Variants in TRIM4 observed in about 807,000 individuals in gnomAD.
TRIM4 encodes the protein E3 ubiquitin-protein ligase TRIM4.
Under a neutral mutation model 33.7 loss-of-function variants are expected in TRIM4, and 29 were observed. The ratio of observed to expected loss-of-function variants is 0.86; its 90% CI spans 0.64 to 1.17. TRIM4 has a LOEUF of 1.17. TRIM4 is among the 50% of genes most tolerant of loss of function. TRIM4 has a pLI of 0.00. For synonymous variants in TRIM4, 224 were observed against 233.0 expected (o/e 0.96, Z 0.35); for missense variants, 554 against 593.7 (o/e 0.93, Z 0.69).
chr7:99,907,873 G>A (rs150674848), intron 3 of TRIM4, among the ~76,000 whole-genome samples: 10 of 152,296 alleles, frequency 6.6e-5, no homozygotes, highest in Admixed American at 2.6e-4. Flanking sequence ...ATGGAGGAAA[G>A]AGAGGTTCTG....
Position 99,919,150 on chromosome 7 carries a change from CG to C in TRIM4, c.251del (p.Pro84ArgfsTer62). 2 of 1,491,206 alleles carry C rather than the reference CG, an allele frequency of 1.3e-6. No homozygotes were observed. The highest frequency in any genetic ancestry group is 8.9e-7 in the Non-Finnish European group (1 of 1,121,384). 92.4% of individuals were successfully genotyped at this position (1,491,206 alleles called of 1,614,324 possible). On this transcript the variant is annotated frameshift_variant, in exon 1 of 6. Coordinates refer to ENST00000349062, the MANE Select transcript of TRIM4 (RefSeq NM_033091.3). LOFTEE classifies it high-confidence loss of function. ...GCTCCCAGTGGCGGCCGCACAGGCC[CG>C]GGGGCACGGGGCCCAGGCGCCGGCG... ...TQRRRLGPVP[P>X]GLCGRHWEPL...
rs774217720 is a variant in TRIM4, at chr7:99,919,090, T to C, written c.312A>G (p.Pro104=). Residue 104 remains proline (P), a synonymous_variant, in exon 1 of 6, where the codon CCA becomes CCG. Coordinates refer to ENST00000349062, the MANE Select transcript of TRIM4 (RefSeq NM_033091.3). ...LRLFCEDDQR[P]VCLVCRESQE... Reference sequence around the variant, plus strand: ...GGGACTCCCTGCACACCAGGCACACTGGCCGCTGGTCGTCCTCGCAGAAGA... The same window carrying C: ...GGGACTCCCTGCACACCAGGCACACCGGCCGCTGGTCGTCCTCGCAGAAGA... 9 of 1,542,126 alleles carry C rather than the reference T, an allele frequency of 5.8e-6. No individual in the cohort carries two copies. Among genetic ancestry groups the C allele is most frequent in the Non-Finnish European group, 7.0e-6 (8 of 1,145,198 alleles).
chr7:99,891,744 TA>T lies in TRIM4; in HGVS notation c.*418del, dbSNP rs1439436233. 6.0e-6 allele frequency: 1 copy of T among 166,212 alleles called. No individual in the cohort carries two copies. The highest frequency in any genetic ancestry group is 1.3e-5 in the Non-Finnish European group (1 of 75,790). 10.3% of individuals were successfully genotyped at this position (166,212 alleles called of 1,614,324 possible). On this transcript the variant is annotated 3_prime_UTR_variant, in exon 6 of 6. Transcript: ENST00000349062. ...TAACCAAATACAACTAAAATTGTCT[TA>T]TACAATAAGGGCGTAATTATCTCAT...
At chr7:99,906,144 C>CA (rs1030054443) in intron 3 of TRIM4, among the ~76,000 whole-genome samples, 362 of 141,038 alleles carry the variant, frequency 2.6e-3, no homozygotes, top group Middle Eastern at 0.014. Flanking sequence ...GACTCCATCT[C>CA]AAAAAAAAAA....
At chr7:99,898,621 A>G (rs1259291757) in intron 5 of TRIM4, among the ~76,000 whole-genome samples, 3 of 152,210 alleles carry the variant, frequency 2.0e-5, no homozygotes, top group African/African-American at 7.2e-5. Flanking sequence ...AGGCACTTCC[A>G]GAAGTGTGCA....
intron 5 of TRIM4, among the ~76,000 whole-genome samples, chr7:99,893,093 A>G (rs1477465915): frequency 6.6e-6 from 1 of 152,106 alleles, no homozygotes; most frequent in Admixed American, 6.5e-5. Flanking sequence ...TACTGAAAAT[A>G]CCAAAAAACA....
intron 5 of TRIM4, among the ~76,000 whole-genome samples, chr7:99,898,445 G>C (rs888896845): frequency 1.3e-5 from 2 of 152,218 alleles, no homozygotes; most frequent in Admixed American, 1.3e-4. Flanking sequence ...TCCACGTAGG[G>C]GCCCATGCCC....
chr7:99,916,848 A>G, intron 1 of TRIM4: 1 of 764,042 alleles, frequency 1.3e-6, no homozygotes, highest in South Asian at 1.4e-5. Flanking sequence ...ACTGCCTGAA[A>G]GAGAAAGTTC....
chr7:99,911,430 T>A (rs1309012153), intron 1 of TRIM4, among the ~76,000 whole-genome samples: 1 of 151,848 alleles, frequency 6.6e-6, no homozygotes, highest in Non-Finnish European at 1.5e-5. Flanking sequence ...TTTCTGTAAG[T>A]CTCACTATAT....
At chr7:99,899,906 G>A (rs559496141) in intron 5 of TRIM4, among the ~76,000 whole-genome samples, 3 of 152,076 alleles carry the variant, frequency 2.0e-5, no homozygotes, top group East Asian at 3.9e-4. Flanking sequence ...TCCTCCCGCC[G>A]TGGCCTCCCA....
At chr7:99,904,123 G>A (rs1486331985) in intron 3 of TRIM4, among the ~76,000 whole-genome samples, 2 of 152,096 alleles carry the variant, frequency 1.3e-5, no homozygotes, top group African/African-American at 2.4e-5. Context: ...ATTTTTCAGA[G>A]ACTATTATAA....
At chr7:99,903,138 C>T (rs1423516522) in intron 5 of TRIM4, 80 bp downstream of exon 5, 10 of 1,100,770 alleles carry the variant, frequency 9.1e-6, no homozygotes, top group Non-Finnish European at 1.3e-5. Context: ...GCTGTTTCCT[C>T]TTTCCTCTCC....
chr7:99,918,393 C>T (rs1819606048), intron 1 of TRIM4, among the ~76,000 whole-genome samples: 1 of 151,912 alleles, frequency 6.6e-6, no homozygotes, highest in South Asian at 2.1e-4. Flanking sequence ...ATGGTGAAAC[C>T]CCTCTATACT....
At chr7:99,918,860 C>G in intron 1 of TRIM4, 149 bp downstream of exon 1, 1 of 1,029,610 alleles carries the variant, frequency 9.7e-7, no homozygotes, top group Non-Finnish European at 1.3e-6. Context: ...CTCTGAAATT[C>G]GTGTTTTGCT....
At chr7:99,909,492 C>A in intron 2 of TRIM4, 73 bp downstream of exon 2, 2 of 1,337,408 alleles carry the variant, frequency 1.5e-6, no homozygotes, top group Non-Finnish European at 2.1e-6. Context: ...ACCAAAAGGA[C>A]CTCAGAAGCA....
rs932276331 is a variant in TRIM4, at chr7:99,890,504, CAT to C, written c.*1657_*1658del. On this transcript the variant is annotated 3_prime_UTR_variant, in exon 6 of 6. Transcript: ENST00000349062. ...TCAACAGTAGACTGGATAAAGAAAA[CAT>C]AGTACATATACACCATGGAATACTA... 6.6e-6 allele frequency: 1 copy of C among 152,080 alleles called. No homozygotes were observed. The highest frequency in any genetic ancestry group is 6.5e-5 in the Admixed American group (1 of 15,272). 9.4% of individuals were successfully genotyped at this position (152,080 alleles called of 1,614,324 possible). A position where few individuals can be genotyped will look rare whatever the true frequency, so the allele number is the denominator to read the frequency against.
At chr7:99,898,109 A>G (rs76108580) in intron 5 of TRIM4, among the ~76,000 whole-genome samples, 4,758 of 152,304 alleles carry the variant, frequency 0.031, 113 homozygotes, top group Non-Finnish European at 0.046. Flanking sequence ...ATTTGGCATG[A>G]TAAGTCTCAC....
chr7:99,908,056 C>T (rs1351314996), intron 3 of TRIM4, among the ~76,000 whole-genome samples: 1 of 151,976 alleles, frequency 6.6e-6, no homozygotes, highest in East Asian at 1.9e-4. Flanking sequence ...GCCTAAAGAC[C>T]CAAACTTAAG....
chr7:99,909,078 A>G lies in TRIM4; in HGVS notation c.490-266T>C, dbSNP rs148577892. ...ACTAAAACAAACTTTCACATCTACT[A>G]CTTAGTTTAGCCTTCAGAACTCGTT... On this transcript the variant is annotated intron_variant, in intron 2 of 5. Coordinates refer to ENST00000349062, the MANE Select transcript of TRIM4 (RefSeq NM_033091.3). Among the ~76,000 whole-genome samples the G allele has an allele frequency of 1.3e-3, 195 of 151,658 alleles. 1 individual carries two copies. Among genetic ancestry groups the G allele is most frequent in the African/African-American group, 4.6e-3 (191 of 41,320 alleles).
Sources: allele counts gnomAD v4.1 joint callset (sites outside exome capture counted in the v4.1 genomes callset), GRCh38; gene constraint gnomAD v4.1.1; transcripts MANE v1.5; gene names NCBI Gene and HGNC (gene_info 2026-07-23, HGNC 2026-07-21).